CCDC178: variants seen among roughly 807,000 people sequenced by gnomAD.
The protein encoded by CCDC178 is coiled-coil domain-containing protein 178.
CCDC178 carries 126 observed loss-of-function variants against 117.4 expected under a neutral mutation model. The ratio of observed to expected loss-of-function variants is 1.07; its 90% CI spans 0.93 to 1.24. The LOEUF (loss-of-function observed/expected upper bound fraction) is 1.24. Among genes scored for constraint, CCDC178 ranks in the 50% most tolerant of loss-of-function variants. The pLI, the probability that CCDC178 is intolerant of heterozygous loss-of-function variation, is 0.00. For missense variants in CCDC178, 1,030 were observed against 986.9 expected (o/e 1.04, Z -0.59); for synonymous variants, 283 against 313.4 (o/e 0.90, Z 1.02).
At chr18:33,180,005 C>T (rs1055546934) in intron 20 of CCDC178, among the ~76,000 whole-genome samples, 1 of 151,728 alleles carries the variant, frequency 6.6e-6, no homozygotes, top group Non-Finnish European at 1.5e-5. Flanking sequence ...AATTATGGGA[C>T]TTAGACATTT....
At position 33,067,472 on chromosome 18, in the gene CCDC178, T is replaced by G. The variant is rs371387398; in HGVS notation, c.2388+25289A>C. 3.9e-5 allele frequency among the ~76,000 whole-genome samples: 6 copies of G among 152,060 alleles called. No homozygotes were observed. In the East Asian group the frequency reaches 1.2e-3, roughly 29 times the overall value. ...TAAAAAAGCAAAAAACAAAACAAACTAAACTCCAAATTAGTAGAAGGAAAG... is the reference window on the plus strand; with the variant it reads ...TAAAAAAGCAAAAAACAAAACAAACGAAACTCCAAATTAGTAGAAGGAAAG... On this transcript the variant is annotated intron_variant, in intron 21 of 22. Transcript: ENST00000383096.
chr18:33,270,954 A>C (rs2059881023), intron 12 of CCDC178, among the ~76,000 whole-genome samples: 1 of 151,658 alleles, frequency 6.6e-6, no homozygotes, highest in Non-Finnish European at 1.5e-5. Context: ...TTTATACAAT[A>C]GCAAGACAAA....
intron 5 of CCDC178, among the ~76,000 whole-genome samples, chr18:33,381,555 G>A (rs2063439273): frequency 6.6e-6 from 1 of 152,138 alleles, no homozygotes; most frequent in Non-Finnish European, 1.5e-5. Context: ...TAAATCTTGT[G>A]TTATTTTCTC....
At chr18:33,204,692 A>G (rs1051806234) in intron 20 of CCDC178, among the ~76,000 whole-genome samples, 1 of 152,174 alleles carries the variant, frequency 6.6e-6, no homozygotes. Context: ...GTGTGGCTTG[A>G]TCAACTAAGA....
chr18:33,246,827 G>A (rs1421295182), intron 14 of CCDC178, among the ~76,000 whole-genome samples: 3 of 151,800 alleles, frequency 2.0e-5, no homozygotes, highest in Admixed American at 6.6e-5. Context: ...AACAGATCCT[G>A]AGACCAATAA....
intron 3 of CCDC178, among the ~76,000 whole-genome samples, chr18:33,406,846 C>T (rs975741835): frequency 6.6e-6 from 1 of 152,122 alleles, no homozygotes; most frequent in Non-Finnish European, 1.5e-5. Flanking sequence ...AACAGAAATT[C>T]TGGCAAACAT....
At chr18:33,036,598 C>G (rs547856044) in intron 21 of CCDC178, among the ~76,000 whole-genome samples, 4 of 151,742 alleles carry the variant, frequency 2.6e-5, no homozygotes, top group Non-Finnish European at 5.9e-5. Context: ...GGGTATGGCA[C>G]GAGCAAAAGT....
At chr18:33,217,710 T>C (rs932381015) in intron 18 of CCDC178, among the ~76,000 whole-genome samples, 4 of 152,074 alleles carry the variant, frequency 2.6e-5, no homozygotes, top group African/African-American at 9.7e-5. Context: ...GAAATATTTC[T>C]AGTAGTGCAT....
In CCDC178 at chr18:33,267,062, A is replaced by C; in HGVS notation, c.1273-10T>G. On this transcript the variant is annotated splice_polypyrimidine_tract_variant and intron_variant, in intron 13 of 22. Coordinates refer to ENST00000383096, the MANE Select transcript of CCDC178 (RefSeq NM_001105528.4). ...TATCCCATGTTTTTTTCTTTAAGAAAAGAATAAAAGAATCATTCATACATG... is the reference window on the plus strand; with the variant it reads ...TATCCCATGTTTTTTTCTTTAAGAACAGAATAAAAGAATCATTCATACATG... 6.4e-7 allele frequency: 1 copy of C among 1,573,074 alleles called. No homozygotes were observed. The highest frequency in any genetic ancestry group is 1.2e-5 in the South Asian group (1 of 83,614).
intron 4 of CCDC178, 32 bp from the exon 5 acceptor site, chr18:33,389,661 A>T: frequency 1.8e-6 from 2 of 1,137,292 alleles, no homozygotes; most frequent in Non-Finnish European, 2.4e-6. Context: ...TATTTTAGTG[A>T]GTAGTTAATA....
intron 20 of CCDC178, among the ~76,000 whole-genome samples, chr18:33,136,515 G>T (rs951145136): frequency 2.0e-5 from 3 of 152,254 alleles, no homozygotes; most frequent in African/African-American, 7.2e-5. Flanking sequence ...TTGGGAACAA[G>T]GGTCAATATT....
At chr18:33,129,611 T>G (rs1325222483) in intron 20 of CCDC178, among the ~76,000 whole-genome samples, 2 of 151,994 alleles carry the variant, frequency 1.3e-5, no homozygotes, top group Non-Finnish European at 2.9e-5. Flanking sequence ...TTGGATATGG[T>G]CCCATTAGAA....
chr18:33,379,141 T>TATATATATAATATATATATTTCC (rs1261733323), intron 5 of CCDC178, among the ~76,000 whole-genome samples: 40 of 5,322 alleles, frequency 7.5e-3, no homozygotes, highest in African/African-American at 9.0e-3. Context: ...TATATTTCCA[T>TATATATATAATATATATATTTCC]ATATATATAA....
intron 20 of CCDC178, among the ~76,000 whole-genome samples, chr18:33,123,680 A>G (rs551967717): frequency 6.6e-6 from 1 of 152,286 alleles, no homozygotes; most frequent in East Asian, 1.9e-4. Flanking sequence ...CTTTTCAAAT[A>G]AAAACATGTC....
At chr18:32,995,788 G>T (rs1400020052) in intron 21 of CCDC178, among the ~76,000 whole-genome samples, 4 of 152,064 alleles carry the variant, frequency 2.6e-5, no homozygotes, top group Middle Eastern at 3.4e-3. Flanking sequence ...AAGATTAATT[G>T]CTGACAAATT....
At chr18:33,061,253 T>C (rs982345872) in intron 21 of CCDC178, among the ~76,000 whole-genome samples, 2 of 152,094 alleles carry the variant, frequency 1.3e-5, no homozygotes, top group Non-Finnish European at 2.9e-5. Context: ...ATTGCTAAAA[T>C]AGGACATTAA....
chr18:32,970,742 C>G (rs2054907592), intron 22 of CCDC178, among the ~76,000 whole-genome samples: 1 of 152,022 alleles, frequency 6.6e-6, no homozygotes, highest in Non-Finnish European at 1.5e-5. Flanking sequence ...CCCTAAAATA[C>G]AACCCAGGGA....
At chr18:33,338,144 T>A (rs1196191999) in intron 9 of CCDC178, among the ~76,000 whole-genome samples, 1 of 152,062 alleles carries the variant, frequency 6.6e-6, no homozygotes, top group Non-Finnish European at 1.5e-5. Context: ...AACAAACATA[T>A]GGAAAAATGT....
intron 14 of CCDC178, among the ~76,000 whole-genome samples, chr18:33,256,100 T>C (rs1159857413): frequency 2.0e-5 from 3 of 152,148 alleles, no homozygotes; most frequent in South Asian, 2.1e-4. Flanking sequence ...GACTGCTTTA[T>C]GTCAAAAAAT....
Sources: allele counts gnomAD v4.1 joint callset (sites outside exome capture counted in the v4.1 genomes callset), GRCh38; gene constraint gnomAD v4.1.1; transcripts MANE v1.5; gene names NCBI Gene and HGNC (gene_info 2026-07-23, HGNC 2026-07-21).